UBE2D3: variants seen among roughly 807,000 people sequenced by gnomAD.
The protein encoded by UBE2D3 is ubiquitin-conjugating enzyme E2 D3.
In UBE2D3, 2 loss-of-function variants were observed where a neutral mutation model predicts 22.8. That is an observed-to-expected ratio of 0.09 (90% CI 0.04 to 0.28). The LOEUF (loss-of-function observed/expected upper bound fraction) is 0.28, where lower values mean the gene tolerates loss of function less well. Among genes scored for constraint, UBE2D3 ranks in the 10% least tolerant of loss-of-function variants. UBE2D3 has a pLI of 1.00. For missense variants in UBE2D3, 27 were observed against 182.5 expected, an observed-to-expected ratio of 0.15 and a Z score of 4.91; for synonymous variants, 56 against 60.4, an observed-to-expected ratio of 0.93 and a Z score of 0.34.
At chr4:102,805,275 A>G (rs1560848231) in intron 4 of UBE2D3, among the ~76,000 whole-genome samples, 1 of 152,210 alleles carries the variant, frequency 6.6e-6, no homozygotes, top group Non-Finnish European at 1.5e-5. Context: ...AGACCCTATG[A>G]TATTTAAATT....
intron 1 of UBE2D3, among the ~76,000 whole-genome samples, chr4:102,846,965 G>C (rs1732068593): frequency 6.6e-6 from 1 of 152,006 alleles, no homozygotes; most frequent in Non-Finnish European, 1.5e-5. Flanking sequence ...ATTCTGAGGA[G>C]AGCATGTATC....
chr4:102,823,843 C>T (rs1333095781), intron 2 of UBE2D3, among the ~76,000 whole-genome samples: 2 of 152,270 alleles, frequency 1.3e-5, no homozygotes, highest in South Asian at 2.1e-4. Flanking sequence ...TAAAACTATT[C>T]CAATAATCAT....
intron 1 of UBE2D3, among the ~76,000 whole-genome samples, chr4:102,857,894 A>G (rs1286622378): frequency 6.6e-6 from 1 of 151,828 alleles, no homozygotes; most frequent in African/African-American, 2.4e-5. Context: ...GGGTTTCACC[A>G]TGTTGGCCAG....
chr4:102,862,275 A>G (rs953614351), intron 1 of UBE2D3, among the ~76,000 whole-genome samples: 2 of 152,010 alleles, frequency 1.3e-5, no homozygotes, highest in Admixed American at 1.3e-4. Flanking sequence ...CAAAATCAAA[A>G]TGTTCTAATA....
chr4:102,860,306 T>C (rs1732825468), intron 1 of UBE2D3, among the ~76,000 whole-genome samples: 1 of 151,846 alleles, frequency 6.6e-6, no homozygotes, highest in Admixed American at 6.6e-5. Flanking sequence ...TGCTAGAACT[T>C]TAATTTGTTC....
chr4:102,817,600 T>C (rs1196413032), intron 2 of UBE2D3, among the ~76,000 whole-genome samples: 3 of 152,220 alleles, frequency 2.0e-5, no homozygotes, highest in Admixed American at 6.5e-5. Context: ...AATTTAATGT[T>C]TGGCAAACTG....
At chr4:102,802,514 A>C in intron 5 of UBE2D3, 47 bp downstream of exon 5, 1 of 1,496,056 alleles carries the variant, frequency 6.7e-7, no homozygotes, top group Non-Finnish European at 9.2e-7. Flanking sequence ...ATTCCTTTGA[A>C]ATAAAGCATA....
chr4:102,823,397 A>T (rs1376098228), intron 2 of UBE2D3, among the ~76,000 whole-genome samples: 1 of 152,176 alleles, frequency 6.6e-6, no homozygotes, highest in Non-Finnish European at 1.5e-5. Context: ...GGAAACGAAG[A>T]TCAAATGAGA....
At chr4:102,810,950 TAA>T (rs1727878341) in intron 2 of UBE2D3, 1 of 152,220 alleles carries the variant, frequency 6.6e-6, no homozygotes, top group Non-Finnish European at 1.5e-5. Flanking sequence ...GTCTATGGCA[TAA>T]GTCAGTACAC....
intron 2 of UBE2D3, among the ~76,000 whole-genome samples, chr4:102,820,329 G>A (rs1176725035): frequency 1.3e-5 from 2 of 152,160 alleles, no homozygotes; most frequent in Non-Finnish European, 2.9e-5. Context: ...TATTTCAAGA[G>A]AAGGATGCTT....
At chr4:102,839,156 A>C (rs1466818706) in intron 1 of UBE2D3, among the ~76,000 whole-genome samples, 1 of 152,218 alleles carries the variant, frequency 6.6e-6, no homozygotes, top group African/African-American at 2.4e-5. Context: ...AACTAGGAGA[A>C]ACTGACTAAG....
rs75174222 is a variant in UBE2D3 at position 102,825,299 on chromosome 4, G to C, written c.24+1186C>G. On this transcript the variant is annotated intron_variant, in intron 2 of 7. Coordinates refer to ENST00000453744, the MANE Select transcript of UBE2D3 (RefSeq NM_181891.3). ...ATTCCATGACATTTTTTTCAAGTTAGCTGTAAACACTCCACCCTCTTCGAT... is the reference window on the plus strand; with the variant it reads ...ATTCCATGACATTTTTTTCAAGTTACCTGTAAACACTCCACCCTCTTCGAT... 5.8e-4 allele frequency: 574 copies of C among 986,806 alleles called. 3 individuals are homozygous for C. In the East Asian group the frequency reaches 0.013, roughly 22 times the overall value. 61.1% of individuals were successfully genotyped at this position (986,806 alleles called of 1,614,324 possible). A position where few individuals can be genotyped will look rare whatever the true frequency, so the allele number is the denominator to read the frequency against.
chr4:102,799,545 G>A (rs771259499), intron 6 of UBE2D3, 45 bp from the exon 7 acceptor site: 1 of 1,500,496 alleles, frequency 6.7e-7, no homozygotes, highest in Admixed American at 1.9e-5. Flanking sequence ...CAGGAGTTTG[G>A]ATAAATAAAT....
upstream of UBE2D3, among the ~76,000 whole-genome samples, chr4:102,830,681 T>G (rs932182958): frequency 2.0e-5 from 3 of 152,142 alleles, no homozygotes. Flanking sequence ...CTGGATAACA[T>G]AGGGTGACCC....
upstream of UBE2D3, among the ~76,000 whole-genome samples, chr4:102,829,939 A>C (rs571323530): frequency 4.6e-5 from 7 of 152,216 alleles, no homozygotes; most frequent in Non-Finnish European, 8.8e-5. Context: ...CAAGAACAAA[A>C]AACAAAACTA....
chr4:102,819,804 A>G (rs1287660706), intron 2 of UBE2D3, among the ~76,000 whole-genome samples: 1 of 152,230 alleles, frequency 6.6e-6, no homozygotes, highest in African/African-American at 2.4e-5. Context: ...TAGTATAGAT[A>G]CATTTCCTCT....
chr4:102,856,617 A>G lies in UBE2D3; in HGVS notation c.-129+12098T>C, dbSNP rs564364204. 1.0e-3 allele frequency among the ~76,000 whole-genome samples: 156 copies of G among 152,328 alleles called. 3 individuals carry two copies. In the South Asian group the frequency reaches 0.03, roughly 30 times the overall value. On this transcript the variant is annotated intron_variant, in intron 1 of 7. Coordinates refer to the UBE2D3 transcript ENST00000338145. The stretch of plus-strand genomic sequence containing the variant: ...GTATATGGAAAGAAATTCAAACAAA[A>G]TAAGATACTAGAAAGTAAAAGGCCT...
intron 4 of UBE2D3, among the ~76,000 whole-genome samples, chr4:102,805,597 C>T (rs2110267873): frequency 6.6e-6 from 1 of 151,678 alleles, no homozygotes; most frequent in African/African-American, 2.4e-5. Flanking sequence ...AGTAAATTCT[C>T]GGGCCTCAGC....
intron 6 of UBE2D3, 63 bp from the exon 7 acceptor site, chr4:102,799,563 A>G: frequency 7.6e-7 from 1 of 1,313,388 alleles, no homozygotes; most frequent in Non-Finnish European, 1.1e-6. Flanking sequence ...AATTTTTCTA[A>G]ACCGTGTATT....
Sources: allele counts gnomAD v4.1 joint callset (sites outside exome capture counted in the v4.1 genomes callset), GRCh38; gene constraint gnomAD v4.1.1; transcripts MANE v1.5; gene names NCBI Gene and HGNC (gene_info 2026-07-23, HGNC 2026-07-21).